The following TKT variants were observed in gnomAD, a reference collection of about 807,000 sequenced individuals.
TKT encodes the protein transketolase, also known as epididymis luminal protein 107.
In TKT, 47 loss-of-function variants were observed where a neutral mutation model predicts 63.9. The observed-to-expected ratio is 0.74, with a 90% confidence interval of 0.58 to 0.94. The LOEUF is 0.94. Among genes scored for constraint, TKT ranks in the 40% least tolerant of loss-of-function variants. The pLI is 0.00. For missense variants in TKT, 721 were observed against 846.2 expected (o/e 0.85, Z 1.84); for synonymous variants, 338 against 334.1 (o/e 1.01, Z -0.13).
intron 1 of TKT, among the ~76,000 whole-genome samples, chr3:53,250,137 T>C (rs995685107): frequency 3.3e-5 from 5 of 152,178 alleles, no homozygotes; most frequent in Admixed American, 3.3e-4. Flanking sequence ...GGGTGGCCAG[T>C]GTCTTCACAC....
intron 1 of TKT, among the ~76,000 whole-genome samples, chr3:53,243,075 G>GA: frequency 6.6e-6 from 1 of 152,276 alleles, no homozygotes; most frequent in Admixed American, 6.5e-5. Context: ...AAGGGCTGAG[G>GA]AAGGGCTGAC....
Position 53,246,275 on chromosome 3 carries a change from A to AAAC in TKT, c.108-4036_108-4034dup, listed in dbSNP as rs782516694. Among the ~76,000 whole-genome samples the AAAC allele has an allele frequency of 4.6e-5, 7 of 152,228 alleles. No homozygotes were observed. The South Asian group carries it at 8.3e-4, about 18-fold the overall frequency. On this transcript the variant is annotated intron_variant, in intron 1 of 13. Transcript: ENST00000462138. Reference sequence around the variant, plus strand: ...AGAGTGAGACTCCATCTCAGGAAAAAAACAACAACAACAACAAAAAAAAGG... The same window carrying AAAC: ...AGAGTGAGACTCCATCTCAGGAAAAAAACAACAACAACAACAACAAAAAAAAGG...
chr3:53,255,794 G>T, intron 1 of TKT, 42 bp downstream of exon 1: 1 of 1,354,744 alleles, frequency 7.4e-7, no homozygotes, highest in Non-Finnish European at 9.7e-7. Context: ...GACGCCCCCC[G>T]CCCCGCCCGA....
Position 53,255,903 on chromosome 3 carries a change from C to T in TKT, c.40G>A (p.Ala14Thr), listed in dbSNP as rs1705973376. The change falls in exon 1 of 14, where the codon GCC becomes ACC. Residue 14 changes from alanine to threonine, a missense_variant. Ala to Thr is a moderately conservative substitution (Grantham distance 58). Transcript: ENST00000462138. The part of the protein sequence containing the change: ...YHKPDQQKLQ[A>T]LKDTANRLRI... The stretch of plus-strand genomic sequence containing the variant: ...AGGCGGTTGGCCGTGTCCTTCAAGG[C>T]CTGCAGCTTCTGCTGGTCAGGCTTG... 1 of 1,547,924 alleles carries T rather than the reference C, an allele frequency of 6.5e-7. No homozygotes were observed. Among genetic ancestry groups the T allele is most frequent in the Non-Finnish European group, 8.7e-7 (1 of 1,147,286 alleles).
intron 4 of TKT, 21 bp from the exon 5 acceptor site, chr3:53,235,195 A>G (rs782100187): frequency 1.3e-6 from 2 of 1,589,244 alleles, no homozygotes; most frequent in Non-Finnish European, 1.7e-6. Flanking sequence ...AGAGTGAATC[A>G]GGCCAGTCCC....
At position 53,240,100 on chromosome 3, in the gene TKT, G is replaced by A. The variant is rs967290526; in HGVS notation, c.437+151C>T. 5.0e-5 allele frequency: 33 copies of A among 656,772 alleles called. 1 individual carries two copies. The Middle Eastern group carries it at 1.3e-3, about 26-fold the overall frequency. The allele number at this position is 656,772 out of a possible 1,614,324, so 40.7% of individuals were successfully genotyped here. A position where few individuals can be genotyped will look rare whatever the true frequency, so the allele number is the denominator to read the frequency against. On this transcript the variant is annotated intron_variant, in intron 4 of 13. Coordinates refer to ENST00000462138, the MANE Select transcript of TKT (RefSeq NM_001064.4). ...GGCCGGTCATGGCACCAGCCATAGC[G>A]GATGTTTAAAGAGCAAAAGAGGCCA...
At chr3:53,230,724 A>T in intron 7 of TKT, 103 bp from the exon 8 acceptor site, 1 of 1,393,960 alleles carries the variant, frequency 7.2e-7, no homozygotes, top group Non-Finnish European at 9.8e-7. Context: ...GGGGCCAAAA[A>T]TGGAAGCCCT....
At chr3:53,241,942 T>C (rs557879391) in intron 2 of TKT, 183 bp downstream of exon 2, 10 of 616,204 alleles carry the variant, frequency 1.6e-5, no homozygotes, top group Non-Finnish European at 2.9e-5. Flanking sequence ...CAGTCCTGTA[T>C]TCCTTAGCCA....
chr3:53,232,955 A>C (rs1303262229), intron 6 of TKT: 5 of 553,844 alleles, frequency 9.0e-6, no homozygotes, highest in Non-Finnish European at 1.6e-5. Flanking sequence ...CCCCACCGGC[A>C]GAGGCCAGAC....
At chr3:53,254,995 C>T (rs1428109481) in intron 1 of TKT, among the ~76,000 whole-genome samples, 1 of 152,238 alleles carries the variant, frequency 6.6e-6, no homozygotes, top group Non-Finnish European at 1.5e-5. Context: ...TCACTCCCGG[C>T]GCTAGGGCCC....
rs2106664598 is a variant in TKT, at chr3:53,229,368, G to A, written c.1176C>T (p.Phe392=). 1 of 1,613,624 alleles carries A rather than the reference G, an allele frequency of 6.2e-7. No homozygotes were observed. The highest frequency in any genetic ancestry group is 8.5e-7 in the Non-Finnish European group (1 of 1,179,818). ...TVPFCSTFAA[F]FTRAFDQIRM... is the part of the protein sequence containing the mutation. Reference sequence around the variant, plus strand: ...GAATCTGGTCAAAGGCCCGCGTGAAGAAGGCTGCAAAAGTGCTGCAGAAGG... The same window carrying A: ...GAATCTGGTCAAAGGCCCGCGTGAAAAAGGCTGCAAAAGTGCTGCAGAAGG... The change falls in exon 9 of 14, where the codon TTC becomes TTT. Residue 392 remains phenylalanine, a synonymous_variant. Transcript: ENST00000462138.
rs1013724390 is a variant in TKT at position 53,230,316 on chromosome 3, C to T, written c.1107+141G>A. On this transcript the variant is annotated intron_variant, in intron 8 of 13. Transcript: ENST00000462138. ...GTGGCTGTTCAAGGTCAGGGGTTAA[C>T]GCTGGGTCCTGGCTTTTCTTATAGT... The T allele has an allele frequency of 1.3e-5, 14 of 1,103,514 alleles. No individual in the cohort carries two copies. The South Asian group carries it at 1.3e-4, about 11-fold the overall frequency. 68.4% of individuals were successfully genotyped at this position (1,103,514 alleles called of 1,614,324 possible).
intron 3 of TKT, among the ~76,000 whole-genome samples, chr3:53,240,641 G>C (rs1480030753): frequency 6.6e-6 from 1 of 152,252 alleles, no homozygotes; most frequent in Non-Finnish European, 1.5e-5. Context: ...TGCTGGGAGA[G>C]AGAATCATGA....
At position 53,231,342 on chromosome 3, in the gene TKT, G is replaced by C. The variant is rs1477520672; in HGVS notation, c.942+15C>G. 1 of 1,611,796 alleles carries C rather than the reference G, an allele frequency of 6.2e-7. No homozygotes were observed. The highest frequency in any genetic ancestry group is 8.5e-7 in the Non-Finnish European group (1 of 1,179,640). ...TGAGAACTATGGGTTCAGAGAAACA[G>C]GCCCCACTTTGTACCTTGTCCCCAA... is the stretch of plus-strand genomic sequence containing the variant. On this transcript the variant is annotated intron_variant, in intron 7 of 13. Coordinates refer to ENST00000462138, the MANE Select transcript of TKT (RefSeq NM_001064.4).
chr3:53,230,372 G>A, intron 8 of TKT, 85 bp downstream of exon 8: 1 of 1,564,674 alleles, frequency 6.4e-7, no homozygotes, highest in South Asian at 1.1e-5. Context: ...CAGGCACCTG[G>A]CTCTGCCAAC....
rs1575561344 is a variant in TKT, at chr3:53,230,928, G to C, written c.943-307C>G. On this transcript the variant is annotated intron_variant, in intron 7 of 13. Coordinates refer to ENST00000462138, the MANE Select transcript of TKT (RefSeq NM_001064.4). The stretch of plus-strand genomic sequence containing the variant: ...CTATTCCACTTTGCATGGGAACACA[G>C]AAGGCTTGGGAGTCAAGGCCAGGCA... Among the ~76,000 whole-genome samples the C allele has an allele frequency of 3.3e-5, 5 of 152,352 alleles. 1 individual carries two copies. The South Asian group carries it at 1.0e-3, about 32-fold the overall frequency.
At chr3:53,240,589 A>G (rs1298829766) in intron 3 of TKT, among the ~76,000 whole-genome samples, 2 of 152,166 alleles carry the variant, frequency 1.3e-5, no homozygotes, top group African/African-American at 4.8e-5. Context: ...AAGGGACTGA[A>G]CCTCTGTGAG....
At chr3:53,247,532 T>A (rs1379897369) in intron 1 of TKT, among the ~76,000 whole-genome samples, 1 of 137,430 alleles carries the variant, frequency 7.3e-6, no homozygotes, top group African/African-American at 2.8e-5. Flanking sequence ...CTACTTTACA[T>A]GGGAGGCTAA....
intron 1 of TKT, among the ~76,000 whole-genome samples, chr3:53,246,607 C>T (rs62255997): frequency 4.6e-5 from 7 of 152,266 alleles, no homozygotes; most frequent in South Asian, 4.1e-4. Flanking sequence ...AATCCCAGCA[C>T]TTTGGGAGGC....
Sources: allele counts gnomAD v4.1 joint callset (sites outside exome capture counted in the v4.1 genomes callset), GRCh38; gene constraint gnomAD v4.1.1; transcripts MANE v1.5; gene names NCBI Gene and HGNC (gene_info 2026-07-23, HGNC 2026-07-21).